NRXN3: variants seen among roughly 807,000 people sequenced by gnomAD.
NRXN3 encodes neurexin 3.
NRXN3 carries 32 observed loss-of-function variants against 137.6 expected under a neutral mutation model. That is an observed-to-expected ratio of 0.23 (90% CI 0.18 to 0.31). The LOEUF (loss-of-function observed/expected upper bound fraction) is 0.31, where lower values mean the gene tolerates loss of function less well. Among genes scored for constraint, NRXN3 ranks in the 10% least tolerant of loss-of-function variants. The probability of loss-of-function intolerance (pLI) is 1.00; values close to 1 mark genes in which losing one functional copy is unlikely to be tolerated. For synonymous variants in NRXN3, 798 were observed against 784.5 expected, an observed-to-expected ratio of 1.02 and a Z score of -0.29; for missense variants, 1,574 against 2,062.5, an observed-to-expected ratio of 0.76 and a Z score of 4.59.
chr14:79,768,193 G>T (rs2099063029), intron 19 of NRXN3, among the ~76,000 whole-genome samples: 1 of 152,222 alleles, frequency 6.6e-6, no homozygotes, highest in Non-Finnish European at 1.5e-5. Flanking sequence ...GCCAGACTGG[G>T]GGAGGGGCGC....
intron 15 of NRXN3, among the ~76,000 whole-genome samples, chr14:79,316,371 A>G (rs1165648066): frequency 1.3e-5 from 2 of 152,184 alleles, no homozygotes; most frequent in Admixed American, 6.5e-5. Context: ...AAGAAACCCA[A>G]TCTCTGTTAG....
chr14:78,355,385 A>C (rs961063440), intron 4 of NRXN3, among the ~76,000 whole-genome samples: 1 of 150,330 alleles, frequency 6.7e-6, no homozygotes, highest in African/African-American at 2.5e-5. Context: ...ATATGAACCC[A>C]TTTCTTTCAG....
At chr14:78,794,226 A>G (rs1388768402) in intron 8 of NRXN3, among the ~76,000 whole-genome samples, 1 of 152,138 alleles carries the variant, frequency 6.6e-6, no homozygotes, top group Non-Finnish European at 1.5e-5. Flanking sequence ...TACTAAAAAT[A>G]CAAAAATTAG....
rs79478559 is a variant in NRXN3 at position 79,274,377 on chromosome 14, A to G, written c.3263-192844A>G. On this transcript the variant is annotated intron_variant, in intron 15 of 20. Coordinates refer to ENST00000335750, the MANE Select transcript of NRXN3 (RefSeq NM_001330195.2). ...CTCTAAATCTTTAATATTTTATCCTAGAAACAAATGAGATTATTCCTTCTT... is the reference window on the plus strand; with the variant it reads ...CTCTAAATCTTTAATATTTTATCCTGGAAACAAATGAGATTATTCCTTCTT... 3.0e-3 allele frequency among the ~76,000 whole-genome samples: 457 copies of G among 152,364 alleles called. 7 individuals carry two copies. In the South Asian group the frequency reaches 0.045, roughly 15 times the overall value.
At chr14:78,955,589 G>A (rs1378073920) in intron 10 of NRXN3, among the ~76,000 whole-genome samples, 6 of 152,092 alleles carry the variant, frequency 3.9e-5, no homozygotes, top group Admixed American at 3.3e-4. Flanking sequence ...CTTACTAAAT[G>A]TTCAAGATTC....
chr14:78,500,775 A>C (rs2095863885), intron 4 of NRXN3, among the ~76,000 whole-genome samples: 1 of 152,166 alleles, frequency 6.6e-6, no homozygotes, highest in African/African-American at 2.4e-5. Flanking sequence ...ATTTAAACTG[A>C]AATGGGGCTT....
chr14:78,223,716 A>T (rs2064129333), intron 1 of NRXN3, among the ~76,000 whole-genome samples: 1 of 152,192 alleles, frequency 6.6e-6, no homozygotes. Flanking sequence ...ATAGGGGGAC[A>T]AAGGGACTGG....
At chr14:78,248,293 C>A (rs1347219555) in intron 2 of NRXN3, among the ~76,000 whole-genome samples, 1 of 17,700 alleles carries the variant, frequency 5.6e-5, no homozygotes, top group Non-Finnish European at 2.7e-4. Context: ...TGACTAGCCA[C>A]CGCCCCCCGC....
intron 4 of NRXN3, among the ~76,000 whole-genome samples, chr14:78,477,088 G>A (rs1018625490): frequency 1.3e-5 from 2 of 151,596 alleles, no homozygotes; most frequent in African/African-American, 2.4e-5. Context: ...CTCCATCTAG[G>A]GTTCACATAT....
intron 15 of NRXN3, chr14:79,279,408 C>T: frequency 1.0e-6 from 1 of 986,170 alleles, no homozygotes; most frequent in Non-Finnish European, 1.2e-6. Flanking sequence ...CTCCCTGGTC[C>T]GCGCACTTCG....
chr14:78,535,558 T>C (rs773405405), intron 4 of NRXN3, among the ~76,000 whole-genome samples: 2 of 152,192 alleles, frequency 1.3e-5, no homozygotes, highest in Non-Finnish European at 2.9e-5. Flanking sequence ...AATTGGATAG[T>C]GCTTACTTCA....
intron 1 of NRXN3, among the ~76,000 whole-genome samples, chr14:78,205,889 G>A (rs1216061677): frequency 6.6e-6 from 1 of 152,230 alleles, no homozygotes; most frequent in East Asian, 1.9e-4. Flanking sequence ...AATGCAAGGA[G>A]ATAAGTGAGG....
At chr14:78,246,595 A>G (rs1169496563) in intron 2 of NRXN3, among the ~76,000 whole-genome samples, 1 of 152,206 alleles carries the variant, frequency 6.6e-6, no homozygotes, top group East Asian at 1.9e-4. Flanking sequence ...ACTGTTGATT[A>G]CTTGGAGCCT....
At chr14:78,791,063 G>A (rs2098803736) in intron 8 of NRXN3, among the ~76,000 whole-genome samples, 1 of 152,174 alleles carries the variant, frequency 6.6e-6, no homozygotes, top group Non-Finnish European at 1.5e-5. Context: ...TGCAGGTGTA[G>A]CCAAGAAGAT....
At chr14:78,378,408 C>T (rs922384792) in intron 4 of NRXN3, among the ~76,000 whole-genome samples, 33 of 150,676 alleles carry the variant, frequency 2.2e-4, no homozygotes, top group Non-Finnish European at 1.0e-4. Context: ...TCGCTTGAAC[C>T]CGGGACGTGG....
chr14:79,340,611 A>T (rs567992969), intron 15 of NRXN3, among the ~76,000 whole-genome samples: 11 of 152,190 alleles, frequency 7.2e-5, no homozygotes, highest in Admixed American at 2.6e-4. Context: ...GATTACAGGC[A>T]TGCACCACCA....
chr14:79,283,993 AT>A (rs1316547683), intron 15 of NRXN3, among the ~76,000 whole-genome samples: 1 of 152,050 alleles, frequency 6.6e-6, no homozygotes, highest in East Asian at 1.9e-4. Context: ...TTATCCTGTT[AT>A]TTAAAATATC....
intron 16 of NRXN3, among the ~76,000 whole-genome samples, chr14:79,532,531 A>G (rs942854586): frequency 8.0e-4 from 122 of 152,290 alleles, no homozygotes; most frequent in African/African-American, 2.8e-3. Context: ...GGTTTGCTGA[A>G]GTAGGAGGCC....
At chr14:78,181,094 C>A (rs945901134) in intron 1 of NRXN3, among the ~76,000 whole-genome samples, 1 of 152,198 alleles carries the variant, frequency 6.6e-6, no homozygotes, top group Non-Finnish European at 1.5e-5. Flanking sequence ...GGCATCTCTT[C>A]CAGAGTTAGG....
Sources: allele counts gnomAD v4.1 joint callset (sites outside exome capture counted in the v4.1 genomes callset), GRCh38; gene constraint gnomAD v4.1.1; transcripts MANE v1.5; gene names NCBI Gene and HGNC (gene_info 2026-07-23, HGNC 2026-07-21).